CNTNAP2: variants seen among roughly 807,000 people sequenced by gnomAD.
CNTNAP2 encodes contactin-associated protein-like 2.
In CNTNAP2, 98 loss-of-function variants were observed where a neutral mutation model predicts 155.2. The observed-to-expected ratio is 0.63, with a 90% CI of 0.54 to 0.75. The LOEUF is 0.75. CNTNAP2 is among the 30% of genes least tolerant of loss of function. The pLI, the probability that CNTNAP2 is intolerant of heterozygous loss-of-function variation, is 0.00. For missense variants in CNTNAP2, 1,727 were observed against 1,688.1 expected (o/e 1.02, Z -0.40); for synonymous variants, 651 against 631.2 (o/e 1.03, Z -0.47).
intron 2 of CNTNAP2, among the ~76,000 whole-genome samples, chr7:146,804,719 T>C (rs1286665234): frequency 1.3e-5 from 2 of 152,208 alleles, no homozygotes; most frequent in African/African-American, 2.4e-5. Flanking sequence ...TCACTACACT[T>C]ACTGCATAAT....
At chr7:147,368,110 A>T (rs1003107472) in intron 9 of CNTNAP2, among the ~76,000 whole-genome samples, 4 of 135,218 alleles carry the variant, frequency 3.0e-5, no homozygotes, top group African/African-American at 1.1e-4. Flanking sequence ...ACACACACAC[A>T]CACACACACA....
chr7:147,397,818 C>T (rs1796844829), intron 10 of CNTNAP2, among the ~76,000 whole-genome samples: 1 of 150,526 alleles, frequency 6.6e-6, no homozygotes, highest in Admixed American at 6.6e-5. Context: ...ATTCATCTTG[C>T]CAAGTTTCCT....
chr7:147,141,313 CA>C (rs1472902113), intron 8 of CNTNAP2, among the ~76,000 whole-genome samples: 1 of 152,138 alleles, frequency 6.6e-6, no homozygotes, highest in Non-Finnish European at 1.5e-5. Context: ...AAAAACTAAT[CA>C]AGGGCATCTT....
intron 1 of CNTNAP2, among the ~76,000 whole-genome samples, chr7:146,521,630 TATA>T: frequency 6.6e-6 from 1 of 152,024 alleles, no homozygotes; most frequent in African/African-American, 2.4e-5. Context: ...TTTGTATTTC[TATA>T]GAGAACACCC....
intron 1 of CNTNAP2, among the ~76,000 whole-genome samples, chr7:146,227,428 C>CAAAAAAAAAAAAAA (rs755623604): frequency 3.4e-5 from 2 of 58,708 alleles, no homozygotes; most frequent in African/African-American, 1.2e-4. Flanking sequence ...CTGTCTCAAA[C>CAAAAAAAAAAAAAA]AAAAAAAAAA....
intron 2 of CNTNAP2, among the ~76,000 whole-genome samples, chr7:146,778,182 G>T (rs182989243): frequency 6.6e-6 from 1 of 152,054 alleles, no homozygotes. Context: ...GATAAACATT[G>T]GCTTCAAGTT....
chr7:146,725,759 A>C (rs1008147294), intron 1 of CNTNAP2, among the ~76,000 whole-genome samples: 1 of 152,112 alleles, frequency 6.6e-6, no homozygotes, highest in African/African-American at 2.4e-5. Flanking sequence ...GGGACTCAGC[A>C]TGCGGGAGGA....
At chr7:148,371,103 C>G (rs1426961053) in intron 21 of CNTNAP2, among the ~76,000 whole-genome samples, 2 of 152,194 alleles carry the variant, frequency 1.3e-5, no homozygotes, top group Admixed American at 6.5e-5. Context: ...AATATAGACT[C>G]CATCCTTTTC....
At chr7:146,638,400 T>C (rs1048982135) in intron 1 of CNTNAP2, among the ~76,000 whole-genome samples, 1 of 151,936 alleles carries the variant, frequency 6.6e-6, no homozygotes, top group African/African-American at 2.4e-5. Context: ...ATATCTCATT[T>C]GGTAGCATAT....
chr7:146,505,062 A>G (rs1053887773), intron 1 of CNTNAP2, among the ~76,000 whole-genome samples: 1 of 152,230 alleles, frequency 6.6e-6, no homozygotes, highest in Non-Finnish European at 1.5e-5. Flanking sequence ...CAGGTCAGCC[A>G]GGAAGCAAGC....
intron 13 of CNTNAP2, among the ~76,000 whole-genome samples, chr7:147,795,676 C>T (rs1797882100): frequency 6.6e-6 from 1 of 152,096 alleles, no homozygotes; most frequent in Admixed American, 6.5e-5. Context: ...AACATCTTTT[C>T]AGTTTGGTTC....
intron 23 of CNTNAP2, among the ~76,000 whole-genome samples, chr7:148,414,108 C>A (rs920565346): frequency 6.9e-6 from 1 of 145,726 alleles, no homozygotes; most frequent in Non-Finnish European, 1.5e-5. Context: ...GTCCCCCCCC[C>A]CCCCCTCACA....
intron 8 of CNTNAP2, among the ~76,000 whole-genome samples, chr7:147,194,279 G>A (rs923087250): frequency 2.6e-5 from 4 of 152,190 alleles, no homozygotes; most frequent in Admixed American, 2.6e-4. Context: ...TTTTATGGCC[G>A]CCTAGTATTC....
chr7:146,850,243 G>A (rs1435817441), intron 3 of CNTNAP2, among the ~76,000 whole-genome samples: 1 of 152,152 alleles, frequency 6.6e-6, no homozygotes, highest in Non-Finnish European at 1.5e-5. Flanking sequence ...AAAAAATTCT[G>A]TCCATTTCCA....
intron 3 of CNTNAP2, among the ~76,000 whole-genome samples, chr7:146,879,713 A>C (rs1795500851): frequency 1.3e-5 from 2 of 152,096 alleles, no homozygotes; most frequent in African/African-American, 4.8e-5. Context: ...GCTTGTTTCT[A>C]CATCTTAGCT....
intron 13 of CNTNAP2, among the ~76,000 whole-genome samples, chr7:147,894,947 T>A (rs1444502369): frequency 3.4e-5 from 3 of 87,166 alleles, no homozygotes; most frequent in Non-Finnish European, 6.2e-5. Context: ...TTTTCTTTCT[T>A]TCTTTCTTTC....
chr7:147,320,837 T>C (rs2116819496), intron 9 of CNTNAP2, among the ~76,000 whole-genome samples: 1 of 152,294 alleles, frequency 6.6e-6, no homozygotes, highest in South Asian at 2.1e-4. Context: ...GAGAAGGGCA[T>C]TCTGCTTTTT....
At chr7:146,322,014 G>A (rs1801012094) in intron 1 of CNTNAP2, among the ~76,000 whole-genome samples, 1 of 152,032 alleles carries the variant, frequency 6.6e-6, no homozygotes, top group African/African-American at 2.4e-5. Context: ...TATTGTTTTA[G>A]TACAGGTCAT....
chr7:148,409,382 T>G lies in CNTNAP2; in HGVS notation c.3716-9T>G. Reference sequence around the variant, plus strand: ...TGACTCTGACACTTGACTCTTTCTTTCTCTACAGCCAGTGCGGATTTTCCA... The same window carrying G: ...TGACTCTGACACTTGACTCTTTCTTGCTCTACAGCCAGTGCGGATTTTCCA... On this transcript the variant is annotated splice_polypyrimidine_tract_variant and intron_variant, in intron 22 of 23. Coordinates refer to ENST00000361727, the MANE Select transcript of CNTNAP2 (RefSeq NM_014141.6). 1 of 1,603,850 alleles carries G rather than the reference T, an allele frequency of 6.2e-7. No homozygotes were observed. The highest frequency in any genetic ancestry group is 8.5e-7 in the Non-Finnish European group (1 of 1,170,892).
Sources: allele counts gnomAD v4.1 joint callset (sites outside exome capture counted in the v4.1 genomes callset), GRCh38; gene constraint gnomAD v4.1.1; transcripts MANE v1.5; gene names NCBI Gene and HGNC (gene_info 2026-07-23, HGNC 2026-07-21).